TRERF1: variants seen among roughly 807,000 people sequenced by gnomAD.
TRERF1 encodes transcriptional regulating factor 1, also known as transcriptional-regulating factor 1.
A neutral mutation model predicts 122.9 loss-of-function variants in TRERF1; 27 were observed. The observed-to-expected ratio is 0.22, with a 90% CI of 0.16 to 0.30. The LOEUF is 0.30. Among genes scored for constraint, TRERF1 ranks in the 10% least tolerant of loss-of-function variants. The probability of loss-of-function intolerance (pLI) is 1.00; values close to 1 mark genes in which losing one functional copy is unlikely to be tolerated. For synonymous variants in TRERF1, 636 were observed against 641.7 expected, an observed-to-expected ratio of 0.99 and a Z score of 0.13; for missense variants, 1,248 against 1,560.3, an observed-to-expected ratio of 0.80 and a Z score of 3.37.
chr6:42,371,574 G>A (rs896643036), intron 2 of TRERF1, among the ~76,000 whole-genome samples: 1 of 152,184 alleles, frequency 6.6e-6, no homozygotes, highest in Non-Finnish European at 1.5e-5. Flanking sequence ...CATTTGCAAT[G>A]TATCCAAACT....
chr6:42,307,732 C>T lies in TRERF1; in HGVS notation c.-370-6983G>A, dbSNP rs148266036. 3.0e-3 allele frequency among the ~76,000 whole-genome samples: 448 copies of T among 151,822 alleles called. 2 individuals are homozygous for T. Among genetic ancestry groups the T allele is most frequent in the African/African-American group, 0.01 (422 of 41,358 alleles). On this transcript the variant is annotated intron_variant, in intron 3 of 17. Transcript: ENST00000372922. ...ATCCGATCGCTATTACAACAGCACA[C>T]GAAGTAACAATTCCAATTCCCTGAT...
chr6:42,427,118 C>T (rs116643929), intron 2 of TRERF1, among the ~76,000 whole-genome samples: 3,588 of 151,596 alleles, frequency 0.024, 75 homozygotes, highest in Non-Finnish European at 0.03. Flanking sequence ...GCCAGAAGCT[C>T]GAGACCAGCC....
chr6:42,318,233 G>A (rs1292410437), intron 3 of TRERF1, among the ~76,000 whole-genome samples: 1 of 151,988 alleles, frequency 6.6e-6, no homozygotes, highest in Non-Finnish European at 1.5e-5. Context: ...AAGAAATAGA[G>A]GTCCATATTC....
rs186397878 is a variant in TRERF1 at position 42,430,811 on chromosome 6, G to A, written c.-454+20366C>T. Among the ~76,000 whole-genome samples, 171 of 151,894 alleles carry A rather than the reference G, an allele frequency of 1.1e-3. 1 individual carries two copies. Among genetic ancestry groups the A allele is most frequent in the African/African-American group, 4.0e-3 (165 of 41,410 alleles). ...ACTTGGGAGGCTAAGCAGGGGAATC[G>A]CTCGAACCCAGGAGGCGGAGGTTGC... is the stretch of plus-strand genomic sequence containing the variant. On this transcript the variant is annotated intron_variant, in intron 2 of 17. Transcript: ENST00000372922.
intron 2 of TRERF1, among the ~76,000 whole-genome samples, chr6:42,418,855 C>T (rs770782732): frequency 6.6e-6 from 1 of 152,214 alleles, no homozygotes; most frequent in Non-Finnish European, 1.5e-5. Context: ...CAACTGCTGT[C>T]TAATTACCTT....
intron 2 of TRERF1, among the ~76,000 whole-genome samples, chr6:42,400,296 C>G (rs1679899487): frequency 6.6e-6 from 1 of 152,200 alleles, no homozygotes; most frequent in African/African-American, 2.4e-5. Flanking sequence ...TGATACAACC[C>G]AAATGACAGC....
At chr6:42,314,337 G>A (rs1762147817) in intron 3 of TRERF1, among the ~76,000 whole-genome samples, 1 of 152,088 alleles carries the variant, frequency 6.6e-6, no homozygotes, top group Non-Finnish European at 1.5e-5. Context: ...TACCCTGATC[G>A]AACTCTTCAT....
intron 4 of TRERF1, among the ~76,000 whole-genome samples, chr6:42,271,184 T>TAAAA (rs761098527): frequency 9.7e-6 from 1 of 102,686 alleles, no homozygotes; most frequent in Non-Finnish European, 2.1e-5. Context: ...AAACTCCATC[T>TAAAA]AAAAAAAAAA....
At chr6:42,358,554 A>G (rs555829873) in intron 3 of TRERF1, among the ~76,000 whole-genome samples, 11 of 152,208 alleles carry the variant, frequency 7.2e-5, no homozygotes, top group Non-Finnish European at 1.3e-4. Context: ...CCCTTGGTGG[A>G]GTTTTCACAG....
intron 10 of TRERF1, 64 bp from the exon 11 acceptor site, chr6:42,257,166 A>T (rs1776901929): frequency 6.4e-6 from 10 of 1,564,722 alleles, no homozygotes; most frequent in Admixed American, 3.9e-5. Flanking sequence ...GCCAAGGGCA[A>T]CTGTCAGGAA....
intron 12 of TRERF1, 36 bp from the exon 13 acceptor site, chr6:42,254,962 C>T (rs1377551107): frequency 1.2e-6 from 2 of 1,603,204 alleles, no homozygotes; most frequent in African/African-American, 2.7e-5. Flanking sequence ...CAAGAGTCAG[C>T]AACTGGTCTG....
At chr6:42,261,181 C>A (rs138670950) in intron 8 of TRERF1, among the ~76,000 whole-genome samples, 70 of 152,326 alleles carry the variant, frequency 4.6e-4, no homozygotes, top group East Asian at 4.1e-3. Context: ...TGTGCCCCCC[C>A]CAAGGGGAGC....
At chr6:42,424,819 A>G (rs1035479083) in intron 2 of TRERF1, among the ~76,000 whole-genome samples, 1 of 152,208 alleles carries the variant, frequency 6.6e-6, no homozygotes, top group African/African-American at 2.4e-5. Context: ...AACTCCGTAC[A>G]CTTTTCTTTC....
chr6:42,316,937 TAG>T (rs1303166797), intron 3 of TRERF1, among the ~76,000 whole-genome samples: 2 of 152,176 alleles, frequency 1.3e-5, no homozygotes, highest in African/African-American at 2.4e-5. Flanking sequence ...ATCACTATTG[TAG>T]AACTTAAGAT....
intron 16 of TRERF1, among the ~76,000 whole-genome samples, chr6:42,235,965 T>G (rs1772076049): frequency 6.6e-6 from 1 of 152,196 alleles, no homozygotes; most frequent in South Asian, 2.1e-4. Context: ...AATCACACAC[T>G]CCTGGGCATG....
intron 2 of TRERF1, among the ~76,000 whole-genome samples, chr6:42,377,038 G>A (rs1775012082): frequency 6.6e-6 from 1 of 151,472 alleles, no homozygotes; most frequent in Admixed American, 6.6e-5. Flanking sequence ...GCTAATTTTT[G>A]TATTTTTAGT....
intron 3 of TRERF1, among the ~76,000 whole-genome samples, chr6:42,312,972 T>C (rs139011339): frequency 5.9e-5 from 9 of 152,304 alleles, no homozygotes; most frequent in South Asian, 4.1e-4. Flanking sequence ...CATCTACCCA[T>C]AGCTTGCAGC....
rs758755646 is a variant in TRERF1 at position 42,268,277 on chromosome 6, G to A, written c.1314C>T (p.Ser438=). ...TGCTGCTGACCCGGGTCAGATCTGA[G>A]CTCGCTGGGTCTCCCATTCCTGTGT... is the stretch of plus-strand genomic sequence containing the variant. The change falls in exon 5 of 18, where the codon AGC becomes AGT. Residue 438 remains serine (S), a synonymous_variant. Transcript: ENST00000372922. This position sits in a 1 kb window ranked among gnomAD's most constrained non-coding sequence, Gnocchi z 4.4. 6.6e-7 allele frequency: 1 copy of A among 1,511,382 alleles called. No individual in the cohort carries two copies. Among genetic ancestry groups the A allele is most frequent in the Admixed American group, 2.3e-5 (1 of 43,344 alleles). The allele number at this position is 1,511,382 out of a possible 1,614,324, so 93.6% of individuals were successfully genotyped here. A position where few individuals can be genotyped will look rare whatever the true frequency, so the allele number is the denominator to read the frequency against.
rs567937036 is a variant in TRERF1, at chr6:42,288,555, C to T, written c.-259+12083G>A. ...TGCACTCCAGCCTGGGCAACAAGAG[C>T]GAAACTCCATCTCAAAACCAAAAAA... is the stretch of plus-strand genomic sequence containing the variant. On this transcript the variant is annotated intron_variant, in intron 4 of 17. Coordinates refer to ENST00000372922, the Ensembl canonical transcript of TRERF1. 2.1e-3 allele frequency among the ~76,000 whole-genome samples: 259 copies of T among 121,862 alleles called. 2 individuals are homozygous for T. Among genetic ancestry groups the T allele is most frequent in the African/African-American group, 7.3e-3 (222 of 30,556 alleles). The allele number at this position is 121,862 out of a possible 152,430, so 79.9% of individuals were successfully genotyped here.
Sources: allele counts gnomAD v4.1 joint callset (sites outside exome capture counted in the v4.1 genomes callset), GRCh38; gene constraint gnomAD v4.1.1; non-coding constraint Gnocchi (gnomAD v3.1); transcripts MANE v1.5; gene names NCBI Gene and HGNC (gene_info 2026-07-23, HGNC 2026-07-21).